The following WDR11 variants were observed in gnomAD, a reference collection of about 807,000 sequenced individuals.
WDR11 encodes WD repeat-containing protein 11.
In WDR11, 83 loss-of-function variants were observed where a neutral mutation model predicts 151.2. The ratio of observed to expected loss-of-function variants is 0.55; its 90% confidence interval spans 0.46 to 0.66. The LOEUF (loss-of-function observed/expected upper bound fraction) is 0.66. Among genes scored for constraint, WDR11 ranks in the 30% least tolerant of loss-of-function variants. The probability of loss-of-function intolerance (pLI) is 0.00; values close to 1 mark genes in which losing one functional copy is unlikely to be tolerated. For synonymous variants in WDR11, 484 were observed against 533.1 expected, an observed-to-expected ratio of 0.91 and a Z score of 1.27; for missense variants, 1,301 against 1,480.9, an observed-to-expected ratio of 0.88 and a Z score of 1.99.
At chr10:120,906,559 A>T in intron 27 of WDR11, 2 of 1,409,692 alleles carry the variant, frequency 1.4e-6, no homozygotes, top group Non-Finnish European at 1.8e-6. Context: ...CTATTTCACA[A>T]TTTTTTAAAG....
At chr10:120,905,566 TTA>T in intron 26 of WDR11, 150 bp downstream of exon 26, 1 of 877,916 alleles carries the variant, frequency 1.1e-6, no homozygotes, top group Non-Finnish European at 1.8e-6. Context: ...TTCCTATTCT[TTA>T]TGAGTGTAAA....
At chr10:120,897,199 A>T (rs907220612) in intron 19 of WDR11, among the ~76,000 whole-genome samples, 19 of 152,208 alleles carry the variant, frequency 1.2e-4, no homozygotes, top group Non-Finnish European at 2.5e-4. Flanking sequence ...TAGTCACAGT[A>T]AGGAAACGGG....
At chr10:120,863,018 CT>C in intron 5 of WDR11, 97 bp downstream of exon 5, 1 of 837,736 alleles carries the variant, frequency 1.2e-6, no homozygotes. Flanking sequence ...CTTCATCTCA[CT>C]TTTTCTCATT....
At chr10:120,851,972 T>G in intron 1 of WDR11, 1 of 239,004 alleles carries the variant, frequency 4.2e-6, no homozygotes, top group South Asian at 5.5e-5. Context: ...TTCGGGCTCC[T>G]CCTGTGTAGA....
At position 120,869,105 on chromosome 10, in the gene WDR11, G is replaced by GTTT. The variant is rs1491035622; in HGVS notation, c.1294+1936_1294+1937insTTT. ...AGGTATCTAAGTGATATAAATTACA[G>GTTT]GTTTTTTTTTTTTTTTTTTTTTTGA... is the stretch of plus-strand genomic sequence containing the variant. On this transcript the variant is annotated intron_variant, in intron 9 of 28. Coordinates refer to ENST00000263461, the MANE Select transcript of WDR11 (RefSeq NM_018117.12). Among the ~76,000 whole-genome samples, 7 of 71,630 alleles carry GTTT rather than the reference G, an allele frequency of 9.8e-5. 1 individual carries two copies. The highest frequency in any genetic ancestry group is 1.9e-4 in the Admixed American group (1 of 5,174). 47.0% of individuals were successfully genotyped at this position (71,630 alleles called of 152,430 possible).
intron 16 of WDR11, among the ~76,000 whole-genome samples, chr10:120,888,559 A>G (rs1330780785): frequency 6.6e-6 from 1 of 152,250 alleles, no homozygotes; most frequent in African/African-American, 2.4e-5. Context: ...TTTAAACTGC[A>G]TATGCCTTTA....
At chr10:120,898,122 T>C (rs1847680076) in intron 19 of WDR11, among the ~76,000 whole-genome samples, 2 of 152,214 alleles carry the variant, frequency 1.3e-5, no homozygotes, top group South Asian at 4.1e-4. Flanking sequence ...ATTAAAATTT[T>C]ATTTAAGCCA....
intron 9 of WDR11, among the ~76,000 whole-genome samples, chr10:120,869,169 G>A (rs1465334686): frequency 6.9e-6 from 1 of 144,108 alleles, no homozygotes; most frequent in East Asian, 2.0e-4. Context: ...GGAATGCAGT[G>A]GCGCGATCTC....
At chr10:120,886,936 A>G in intron 16 of WDR11, 100 bp downstream of exon 16, 1 of 1,288,538 alleles carries the variant, frequency 7.8e-7, no homozygotes, top group Non-Finnish European at 1.1e-6. Flanking sequence ...AGAAAAGCCT[A>G]ATGTAAATAA....
At chr10:120,888,068 C>A (rs892740140) in intron 16 of WDR11, among the ~76,000 whole-genome samples, 1 of 152,114 alleles carries the variant, frequency 6.6e-6, no homozygotes, top group Non-Finnish European at 1.5e-5. Context: ...TTATTCAAAC[C>A]ACTAGAGTTT....
At chr10:120,897,272 A>G (rs760815767) in intron 19 of WDR11, among the ~76,000 whole-genome samples, 6 of 152,220 alleles carry the variant, frequency 3.9e-5, no homozygotes, top group Non-Finnish European at 8.8e-5. Flanking sequence ...TGCGGAAAGA[A>G]TAAGATTAGA....
intron 21 of WDR11, among the ~76,000 whole-genome samples, chr10:120,901,349 A>T (rs1221885618): frequency 2.0e-5 from 3 of 152,216 alleles, no homozygotes; most frequent in African/African-American, 7.2e-5. Context: ...CTGATCTCAC[A>T]TCAAGGCAGG....
chr10:120,905,680 G>A (rs1203909637), intron 26 of WDR11, 196 bp from the exon 27 acceptor site: 4 of 1,000,508 alleles, frequency 4.0e-6, no homozygotes, highest in Non-Finnish European at 4.5e-6. Flanking sequence ...ACAGTCCAGA[G>A]GTATAGCCAG....
intron 9 of WDR11, 28 bp from the exon 10 acceptor site, chr10:120,871,142 T>C: frequency 2.5e-6 from 4 of 1,610,104 alleles, no homozygotes; most frequent in Non-Finnish European, 1.7e-6. Context: ...CTGTAGTTAA[T>C]ATATTTGTTA....
At chr10:120,854,478 G>A (rs952022969) in intron 2 of WDR11, among the ~76,000 whole-genome samples, 5 of 152,182 alleles carry the variant, frequency 3.3e-5, no homozygotes, top group African/African-American at 1.2e-4. Context: ...ACATTCATGT[G>A]CAAGTTTTGT....
chr10:120,899,738 G>C (rs902257841), intron 19 of WDR11: 9 of 357,904 alleles, frequency 2.5e-5, no homozygotes, highest in Non-Finnish European at 4.2e-5. Context: ...AGCCGAGATC[G>C]CACCACCGCA....
In WDR11 at chr10:120,896,918, C is replaced by G. The variant is rs184844149; in HGVS notation, c.2516-3111C>G. ...TCAATGGCAGTGAGCGCACATAGCA[C>G]CCAGATTTTACTTTGCAAGTTCCAT... On this transcript the variant is annotated intron_variant, in intron 19 of 28. Coordinates refer to ENST00000263461, the MANE Select transcript of WDR11 (RefSeq NM_018117.12). Among the ~76,000 whole-genome samples the G allele has an allele frequency of 3.3e-3, 503 of 152,240 alleles. 4 individuals are homozygous for G. Among genetic ancestry groups the G allele is most frequent in the Non-Finnish European group, 5.9e-3 (404 of 68,014 alleles).
rs184034019 is a variant in WDR11, at chr10:120,902,241, C to T, written c.2688-16C>T. ...TGAAAACTTTTGTCTCACTTTTGTC[C>T]GGATTTCTTCCACAGTGACATAAAG... is the stretch of plus-strand genomic sequence containing the variant. On this transcript the variant is annotated splice_polypyrimidine_tract_variant and intron_variant, in intron 21 of 28. Coordinates refer to ENST00000263461, the MANE Select transcript of WDR11 (RefSeq NM_018117.12). 6.2e-4 allele frequency: 1,008 copies of T among 1,613,250 alleles called. 8 individuals carry two copies. The African/African-American group carries it at 0.011, about 18-fold the overall frequency.
chr10:120,902,733 C>T (rs762226072), intron 22 of WDR11, among the ~76,000 whole-genome samples: 3 of 146,072 alleles, frequency 2.1e-5, no homozygotes, highest in African/African-American at 5.6e-5. Context: ...CCAGTTATCC[C>T]AGAGGAACTT....
Sources: gnomAD v4.1 joint callset for allele counts (sites outside exome capture counted in the v4.1 genomes callset) on GRCh38, gnomAD v4.1.1 for gene constraint, MANE v1.5 for transcripts, NCBI Gene and HGNC (gene_info 2026-07-23, HGNC 2026-07-21) for gene names.